Variants in CDH12 observed in about 807,000 individuals in gnomAD.
The protein encoded by CDH12 is cadherin-12.
Under a neutral mutation model 74.1 loss-of-function variants are expected in CDH12, and 41 were observed. The observed-to-expected ratio is 0.55, with a 90% CI of 0.43 to 0.72. CDH12 has a LOEUF of 0.72. CDH12 is among the 30% of genes least tolerant of loss of function. The pLI, the probability that CDH12 is intolerant of heterozygous loss-of-function variation, is 0.00. For synonymous variants in CDH12, 399 were observed against 355.0 expected (o/e 1.12, Z -1.39); for missense variants, 945 against 977.2 (o/e 0.97, Z 0.44).
intron 1 of CDH12, among the ~76,000 whole-genome samples, chr5:22,793,177 C>A (rs1748006756): frequency 6.6e-6 from 1 of 152,204 alleles, no homozygotes; most frequent in South Asian, 2.1e-4. Context: ...AACCTGCAAT[C>A]TCTCCAACAC....
chr5:22,112,631 C>CT (rs1381546806), intron 4 of CDH12, among the ~76,000 whole-genome samples: 1 of 149,204 alleles, frequency 6.7e-6, no homozygotes, highest in Non-Finnish European at 1.5e-5. Flanking sequence ...TTTAAAAACT[C>CT]TAACACTAAG....
chr5:22,483,635 C>T (rs1440870492), intron 2 of CDH12, among the ~76,000 whole-genome samples: 1 of 148,040 alleles, frequency 6.8e-6, no homozygotes, highest in African/African-American at 2.5e-5. Context: ...AATTTGGCCA[C>T]ATAGGGAACA....
At chr5:22,059,305 T>C (rs1741000013) in intron 5 of CDH12, among the ~76,000 whole-genome samples, 1 of 151,850 alleles carries the variant, frequency 6.6e-6, no homozygotes, top group African/African-American at 2.4e-5. Context: ...CATCTATCTA[T>C]CTATCATCTA....
At chr5:22,648,541 G>T (rs1381777258) in intron 1 of CDH12, among the ~76,000 whole-genome samples, 2 of 151,738 alleles carry the variant, frequency 1.3e-5, no homozygotes, top group Non-Finnish European at 2.9e-5. Flanking sequence ...AGATATCTAA[G>T]TTCTCTACCG....
chr5:22,099,212 A>G (rs993236660), intron 4 of CDH12, among the ~76,000 whole-genome samples: 1 of 152,134 alleles, frequency 6.6e-6, no homozygotes, highest in African/African-American at 2.4e-5. Flanking sequence ...ATAATTCCTC[A>G]GTTTGGCCTT....
intron 4 of CDH12, among the ~76,000 whole-genome samples, chr5:22,129,993 A>G (rs899781574): frequency 2.6e-5 from 4 of 152,070 alleles, no homozygotes; most frequent in African/African-American, 9.7e-5. Flanking sequence ...AATATGATGA[A>G]GTTTAAATTG....
chr5:22,778,486 T>C (rs1349807760), intron 1 of CDH12, among the ~76,000 whole-genome samples: 4 of 152,138 alleles, frequency 2.6e-5, no homozygotes, highest in Non-Finnish European at 5.9e-5. Context: ...TTATTCCAAC[T>C]CTATGAAAAG....
rs1741538532 is a variant in CDH12, at chr5:22,682,361, A to G, written c.-523+170697T>C. Among the ~76,000 whole-genome samples, 4 of 152,146 alleles carry G rather than the reference A, an allele frequency of 2.6e-5. No individual in the cohort carries two copies. The South Asian group carries it at 8.3e-4, about 32-fold the overall frequency. Reference sequence around the variant, plus strand: ...TAGTAAAACTTTTAAAAAGCATTATAAATAAAATCTTCATTACATTTAAAA... The same window carrying G: ...TAGTAAAACTTTTAAAAAGCATTATGAATAAAATCTTCATTACATTTAAAA... On this transcript the variant is annotated intron_variant, in intron 1 of 14. Coordinates refer to ENST00000382254, the MANE Select transcript of CDH12 (RefSeq NM_004061.5).
intron 1 of CDH12, among the ~76,000 whole-genome samples, chr5:22,817,899 T>C (rs80002213): frequency 0.02 from 3,072 of 152,298 alleles, 62 homozygotes; most frequent in Admixed American, 0.033. Context: ...TTCATCTGAA[T>C]TTTATTTTAG....
rs528452256 is a variant in CDH12, at chr5:22,283,126, T to C, written c.-332-70483A>G. ...ATGAATATTTGTCACACAGAATATT[T>C]GTCCATCTTCTAGAAATGTTTGATA... is the stretch of plus-strand genomic sequence containing the variant. On this transcript the variant is annotated intron_variant, in intron 3 of 14. Transcript: ENST00000382254. Among the ~76,000 whole-genome samples the C allele has an allele frequency of 4.0e-5, 6 of 150,488 alleles. No homozygotes were observed. In the East Asian group the frequency reaches 1.2e-3, roughly 29 times the overall value.
At chr5:21,941,917 T>C (rs1264847564) in intron 6 of CDH12, among the ~76,000 whole-genome samples, 8 of 152,088 alleles carry the variant, frequency 5.3e-5, no homozygotes, top group African/African-American at 1.7e-4. Flanking sequence ...AATAATGGCT[T>C]ACTAAAATGT....
chr5:22,387,827 A>T (rs72744846), intron 3 of CDH12, among the ~76,000 whole-genome samples: 9,072 of 152,242 alleles, frequency 0.06, 381 homozygotes, highest in South Asian at 0.16. Flanking sequence ...TTAAATGCCT[A>T]TATCTGCTCC....
At chr5:22,772,079 T>C (rs942038136) in intron 1 of CDH12, among the ~76,000 whole-genome samples, 1 of 152,080 alleles carries the variant, frequency 6.6e-6, no homozygotes, top group African/African-American at 2.4e-5. Context: ...AATAGGACTC[T>C]AGGAGAGAAA....
intron 10 of CDH12, among the ~76,000 whole-genome samples, chr5:21,796,711 T>A (rs149645894): frequency 2.6e-5 from 4 of 152,118 alleles, no homozygotes; most frequent in Admixed American, 6.6e-5. Context: ...AACAGACTTT[T>A]ATACGTTTGG....
chr5:22,596,102 C>T (rs905096935), intron 1 of CDH12, among the ~76,000 whole-genome samples: 7 of 147,150 alleles, frequency 4.8e-5, no homozygotes, highest in South Asian at 2.1e-4. Flanking sequence ...AGCGTGACTC[C>T]GTCTCAAAAA....
At chr5:22,296,184 T>G (rs1049578102) in intron 3 of CDH12, among the ~76,000 whole-genome samples, 6 of 151,962 alleles carry the variant, frequency 3.9e-5, no homozygotes, top group African/African-American at 1.4e-4. Flanking sequence ...TTCAGTAACA[T>G]CAGCCAATGA....
intron 7 of CDH12, among the ~76,000 whole-genome samples, chr5:21,846,795 G>C (rs1750196780): frequency 1.3e-5 from 2 of 151,980 alleles, no homozygotes; most frequent in African/African-American, 4.8e-5. Context: ...TAAATACCTG[G>C]GGAGGCAAGT....
At chr5:21,964,823 G>A (rs983903093) in intron 6 of CDH12, among the ~76,000 whole-genome samples, 3 of 151,864 alleles carry the variant, frequency 2.0e-5, no homozygotes, top group African/African-American at 7.2e-5. Context: ...TCATAATCAT[G>A]TTTGTATTTT....
chr5:22,444,893 G>C (rs541777293), intron 2 of CDH12, among the ~76,000 whole-genome samples: 6 of 151,768 alleles, frequency 4.0e-5, no homozygotes, highest in African/African-American at 1.4e-4. Flanking sequence ...TATGCTTCTT[G>C]TTTTAGTGCT....
Sources: allele counts gnomAD v4.1 joint callset (sites outside exome capture counted in the v4.1 genomes callset), GRCh38; gene constraint gnomAD v4.1.1; transcripts MANE v1.5; gene names NCBI Gene and HGNC (gene_info 2026-07-23, HGNC 2026-07-21).